The following CSMD1 variants were observed in gnomAD, a reference collection of about 807,000 sequenced individuals.
CSMD1 encodes CUB and Sushi multiple domains 1.
A neutral mutation model predicts 417.5 loss-of-function variants in CSMD1; 213 were observed. That is an observed-to-expected ratio of 0.51 (90% CI 0.46 to 0.57). The LOEUF (loss-of-function observed/expected upper bound fraction) is 0.57. Among genes scored for constraint, CSMD1 ranks in the 20% least tolerant of loss-of-function variants. The pLI, the probability that CSMD1 is intolerant of heterozygous loss-of-function variation, is 0.00. For missense variants in CSMD1, 6,923 were observed against 4,529.7 expected, an observed-to-expected ratio of 1.53 and a Z score of -15.17; for synonymous variants, 2,862 against 1,736.8, an observed-to-expected ratio of 1.65 and a Z score of -16.11.
intron 59 of CSMD1, among the ~76,000 whole-genome samples, chr8:2,964,051 C>A (rs559512632): frequency 6.6e-6 from 1 of 152,296 alleles, no homozygotes; most frequent in African/African-American, 2.4e-5. Flanking sequence ...AGAAATTATA[C>A]TAAAATGCAC....
At chr8:4,738,004 C>A (rs1810355302) in intron 1 of CSMD1, among the ~76,000 whole-genome samples, 1 of 152,188 alleles carries the variant, frequency 6.6e-6, no homozygotes, top group South Asian at 2.1e-4. Context: ...CATATCCTTT[C>A]TCCACATGTA....
chr8:3,851,527 G>T (rs13253701), intron 5 of CSMD1, among the ~76,000 whole-genome samples: 6 of 152,092 alleles, frequency 3.9e-5, no homozygotes, highest in Non-Finnish European at 8.8e-5. Context: ...TGATCAGGTG[G>T]TCCCTGAAAG....
chr8:3,821,697 G>C (rs1268520303), intron 5 of CSMD1, among the ~76,000 whole-genome samples: 1 of 152,182 alleles, frequency 6.6e-6, no homozygotes, highest in Non-Finnish European at 1.5e-5. Context: ...CAAGAGAACT[G>C]CTTGAACCCA....
chr8:2,965,220 T>C (rs1386741733), intron 59 of CSMD1, among the ~76,000 whole-genome samples: 1 of 152,160 alleles, frequency 6.6e-6, no homozygotes. Context: ...CCTTGATGAG[T>C]TGAGCCTGTC....
intron 3 of CSMD1, among the ~76,000 whole-genome samples, chr8:4,209,670 G>T (rs112827303): frequency 6.6e-6 from 1 of 152,130 alleles, no homozygotes; most frequent in African/African-American, 2.4e-5. Context: ...CACCCAGGAA[G>T]GAAATCAAGG....
intron 3 of CSMD1, among the ~76,000 whole-genome samples, chr8:4,362,228 CAA>C (rs1801808916): frequency 6.6e-6 from 1 of 152,070 alleles, no homozygotes; most frequent in Admixed American, 6.5e-5. Flanking sequence ...GAGATTTTAA[CAA>C]AAGACTTGTT....
intron 42 of CSMD1, chr8:3,113,382 G>A (rs1461235384): frequency 1.3e-5 from 2 of 152,300 alleles, no homozygotes; most frequent in African/African-American, 2.4e-5. Flanking sequence ...GTTCACGTGG[G>A]AGAGAGCGTT....
At chr8:3,969,687 A>C (rs1042342858) in intron 5 of CSMD1, among the ~76,000 whole-genome samples, 5 of 152,206 alleles carry the variant, frequency 3.3e-5, no homozygotes, top group African/African-American at 1.2e-4. Context: ...TCAGTAGTGG[A>C]CATGGTTCAC....
At chr8:4,333,507 C>G (rs1180612782) in intron 3 of CSMD1, among the ~76,000 whole-genome samples, 4 of 152,140 alleles carry the variant, frequency 2.6e-5, no homozygotes, top group African/African-American at 9.7e-5. Flanking sequence ...TACAGCACTA[C>G]TCTCATTTCA....
At chr8:4,611,530 G>C (rs1372599792) in intron 2 of CSMD1, among the ~76,000 whole-genome samples, 3 of 152,024 alleles carry the variant, frequency 2.0e-5, no homozygotes, top group African/African-American at 7.2e-5. Flanking sequence ...AATTTATTAA[G>C]ACCCGTATAT....
intron 1 of CSMD1, among the ~76,000 whole-genome samples, chr8:4,909,319 ACCTC>A (rs1254872897): frequency 1.3e-5 from 2 of 151,828 alleles, no homozygotes; most frequent in Non-Finnish European, 2.9e-5. Flanking sequence ...CCAGCAAAAT[ACCTC>A]CTTTTACCTC....
rs1369152235 is a variant in CSMD1 at position 4,840,795 on chromosome 8, G to A, written c.85+153537C>T. Among the ~76,000 whole-genome samples, 3 of 152,174 alleles carry A rather than the reference G, an allele frequency of 2.0e-5. No homozygotes were observed. In the East Asian group the frequency reaches 5.8e-4, roughly 29 times the overall value. On this transcript the variant is annotated intron_variant, in intron 1 of 69. Transcript: ENST00000635120. The stretch of plus-strand genomic sequence containing the variant: ...AAAATGTCCATGTCGTTATGCACAG[G>A]GCTTTTATACCAGGTAGGATTAAGT...
Position 3,446,265 on chromosome 8 carries a change from C to T in CSMD1, c.1561+22447G>A, listed in dbSNP as rs569419960. 6.6e-5 allele frequency among the ~76,000 whole-genome samples: 10 copies of T among 152,314 alleles called. 1 individual carries two copies. The highest frequency in any genetic ancestry group is 2.1e-4 in the South Asian group (1 of 4,824). On this transcript the variant is annotated intron_variant, in intron 12 of 69. Coordinates refer to ENST00000635120, the MANE Select transcript of CSMD1 (RefSeq NM_033225.6). ...GGGACAGACTCTCAGAAATCGGAAA[C>T]GTGTGCTGCATGGGCTATTGTAAAA...
intron 11 of CSMD1, among the ~76,000 whole-genome samples, chr8:3,473,772 A>C (rs947694965): frequency 4.6e-5 from 7 of 152,142 alleles, no homozygotes; most frequent in African/African-American, 1.4e-4. Flanking sequence ...CTACTCTCAC[A>C]CTGCTATGAA....
intron 5 of CSMD1, among the ~76,000 whole-genome samples, chr8:3,972,148 G>C (rs1017455839): frequency 1.3e-5 from 2 of 152,094 alleles, no homozygotes; most frequent in Non-Finnish European, 2.9e-5. Context: ...TGGGATGACA[G>C]GTTGAACCCC....
chr8:3,947,543 C>A (rs371007351), intron 5 of CSMD1, among the ~76,000 whole-genome samples: 1 of 152,134 alleles, frequency 6.6e-6, no homozygotes, highest in African/African-American at 2.4e-5. Flanking sequence ...ACATAACCCA[C>A]GGGAAAGCTC....
chr8:4,480,690 G>A (rs772988486), intron 2 of CSMD1, among the ~76,000 whole-genome samples: 4 of 152,168 alleles, frequency 2.6e-5, no homozygotes, highest in Non-Finnish European at 4.4e-5. Flanking sequence ...GTGTAGCTGT[G>A]TATCCATCTC....
At chr8:3,976,378 G>C (rs567310016) in intron 5 of CSMD1, among the ~76,000 whole-genome samples, 1 of 152,118 alleles carries the variant, frequency 6.6e-6, no homozygotes, top group Admixed American at 6.5e-5. Flanking sequence ...GAAGATTCCT[G>C]AACTTTCTTC....
At chr8:4,142,735 T>G (rs118085876) in intron 3 of CSMD1, among the ~76,000 whole-genome samples, 1,610 of 151,160 alleles carry the variant, frequency 0.011, 30 homozygotes, top group Non-Finnish European at 0.018. Flanking sequence ...TGACACAACG[T>G]GAGATTACAT....
Sources: allele counts gnomAD v4.1 joint callset (sites outside exome capture counted in the v4.1 genomes callset), GRCh38; gene constraint gnomAD v4.1.1; transcripts MANE v1.5; gene names NCBI Gene and HGNC (gene_info 2026-07-23, HGNC 2026-07-21).